The following GDAP1 variants were observed in gnomAD, a reference collection of about 807,000 sequenced individuals.
The protein encoded by GDAP1 is ganglioside induced differentiation associated protein 1, also known as ganglioside-induced differentiation-associated protein 1.
Under a neutral mutation model 40.1 loss-of-function variants are expected in GDAP1, and 34 were observed. That is an observed-to-expected ratio of 0.85 (90% CI 0.64 to 1.13). The LOEUF (loss-of-function observed/expected upper bound fraction) is 1.13. GDAP1 is among the 50% of genes most tolerant of loss of function. The pLI is 0.00. For synonymous variants in GDAP1, 170 were observed against 157.4 expected, an observed-to-expected ratio of 1.08 and a Z score of -0.60; for missense variants, 374 against 433.7, an observed-to-expected ratio of 0.86 and a Z score of 1.22.
Position 74,459,486 on chromosome 8 carries a change from A to G in GDAP1, c.166-29192A>G, listed in dbSNP as rs1337838537. Among the ~76,000 whole-genome samples, 5 of 152,296 alleles carry G rather than the reference A, an allele frequency of 3.3e-5. No homozygotes were observed. In the East Asian group the frequency reaches 9.7e-4, roughly 29 times the overall value. On this transcript the variant is annotated intron_variant, in intron 2 of 2. Coordinates refer to the GDAP1 transcript ENST00000523640. ...GTTTTGTCTGGGATTCTGCATTTTG[A>G]CAGGCACTCCAGGTGATTCTGAGGC...
intron 2 of GDAP1, among the ~76,000 whole-genome samples, chr8:74,354,253 G>C (rs937508875): frequency 6.6e-6 from 1 of 152,112 alleles, no homozygotes; most frequent in Non-Finnish European, 1.5e-5. Context: ...ATGAGGTTGG[G>C]AATAGTGTAT....
Position 74,365,166 on chromosome 8 carries a change from G to T in GDAP1, c.*799G>T. On this transcript the variant is annotated 3_prime_UTR_variant, in exon 6 of 6. Coordinates refer to ENST00000220822, the MANE Select transcript of GDAP1 (RefSeq NM_018972.4). The stretch of plus-strand genomic sequence containing the variant: ...CCCAGCTAATCACTAGCATGTCTAG[G>T]TATTGGCTGGGTAGTGGGTATTTTG... 4.4e-6 allele frequency: 2 copies of T among 454,068 alleles called. No individual in the cohort carries two copies. The highest frequency in any genetic ancestry group is 3.1e-5 in the South Asian group (2 of 64,468). 28.1% of individuals were successfully genotyped at this position (454,068 alleles called of 1,614,324 possible).
At chr8:74,418,325 G>A (rs999975494) in intron 2 of GDAP1, among the ~76,000 whole-genome samples, 6 of 152,226 alleles carry the variant, frequency 3.9e-5, no homozygotes, top group African/African-American at 1.2e-4. Flanking sequence ...TGTGGCATTG[G>A]TGAAGGGATA....
At chr8:74,473,782 T>C (rs766887947) in intron 2 of GDAP1, among the ~76,000 whole-genome samples, 2 of 151,592 alleles carry the variant, frequency 1.3e-5, no homozygotes, top group Admixed American at 6.6e-5. Flanking sequence ...GCCTTGGCTA[T>C]TCAGGCCCTT....
chr8:74,449,275 T>A (rs987871430), intron 2 of GDAP1, among the ~76,000 whole-genome samples: 1 of 151,946 alleles, frequency 6.6e-6, no homozygotes, highest in Non-Finnish European at 1.5e-5. Context: ...AAATCAAAGT[T>A]GAATCAACTT....
intron 2 of GDAP1, among the ~76,000 whole-genome samples, chr8:74,488,087 C>G (rs1201325162): frequency 1.3e-5 from 2 of 151,998 alleles, no homozygotes; most frequent in Non-Finnish European, 2.9e-5. Context: ...CAATATGTAC[C>G]TCTATTTCTT....
intron 2 of GDAP1, among the ~76,000 whole-genome samples, chr8:74,404,399 G>A (rs888366667): frequency 6.7e-6 from 1 of 149,130 alleles, no homozygotes; most frequent in African/African-American, 2.6e-5. Flanking sequence ...TATGTGCCGG[G>A]CCATTTATAT....
intron 2 of GDAP1, among the ~76,000 whole-genome samples, chr8:74,433,836 C>T (rs1356522506): frequency 1.3e-5 from 2 of 152,098 alleles, no homozygotes; most frequent in Non-Finnish European, 2.9e-5. Context: ...TGTGATCAAC[C>T]CCAATAAAAA....
In GDAP1 at chr8:74,364,410, C is replaced by T; in HGVS notation, c.*43C>T. On this transcript the variant is annotated 3_prime_UTR_variant, in exon 6 of 6. Coordinates refer to ENST00000220822, the MANE Select transcript of GDAP1 (RefSeq NM_018972.4). ...CGTGGCAGCTCATCCAAGCATTTAG[C>T]TAGACCCTGTGATTGCCCGTGGCTC... 2.5e-6 allele frequency: 4 copies of T among 1,594,138 alleles called. No individual in the cohort carries two copies. The highest frequency in any genetic ancestry group is 3.4e-6 in the Non-Finnish European group (4 of 1,168,978).
chr8:74,350,607 G>T, intron 1 of GDAP1, 29 bp downstream of exon 1: 3 of 1,317,884 alleles, frequency 2.3e-6, no homozygotes, highest in Non-Finnish European at 3.3e-6. Flanking sequence ...GCGGAGGGTG[G>T]CGCGGATCGG....
At chr8:74,387,108 C>G (rs1299576232) in intron 2 of GDAP1, among the ~76,000 whole-genome samples, 1 of 152,192 alleles carries the variant, frequency 6.6e-6, no homozygotes, top group Non-Finnish European at 1.5e-5. Flanking sequence ...TCTAAATATA[C>G]AATCATGTCA....
intron 2 of GDAP1, among the ~76,000 whole-genome samples, chr8:74,472,058 A>G (rs531943966): frequency 1.8e-4 from 28 of 152,176 alleles, no homozygotes; most frequent in African/African-American, 6.5e-4. Flanking sequence ...TAAGCCTAGT[A>G]CCCAATATTT....
At chr8:74,354,319 TAATA>T in intron 2 of GDAP1, among the ~76,000 whole-genome samples, 1 of 152,306 alleles carries the variant, frequency 6.6e-6, no homozygotes, top group Non-Finnish European at 1.5e-5. Context: ...AATAGGTGCT[TAATA>T]AATATTTTGA....
chr8:74,478,963 G>C (rs1426392913), intron 2 of GDAP1, among the ~76,000 whole-genome samples: 2 of 152,132 alleles, frequency 1.3e-5, no homozygotes, highest in Non-Finnish European at 2.9e-5. Context: ...TTTCAACTCA[G>C]CATCTGTGTC....
chr8:74,482,128 G>T (rs954226117), intron 2 of GDAP1, among the ~76,000 whole-genome samples: 129 of 145,160 alleles, frequency 8.9e-4, no homozygotes, highest in Middle Eastern at 3.6e-3. Flanking sequence ...TTGGGGGGGG[G>T]GGGTCATCTT....
chr8:74,386,613 TAGC>T (rs1810029403), intron 2 of GDAP1, among the ~76,000 whole-genome samples: 1 of 152,226 alleles, frequency 6.6e-6, no homozygotes, highest in Non-Finnish European at 1.5e-5. Flanking sequence ...GGAAGTCAGG[TAGC>T]GTGATGCCTC....
At chr8:74,354,873 G>A (rs545936368) in intron 2 of GDAP1, among the ~76,000 whole-genome samples, 40 of 152,302 alleles carry the variant, frequency 2.6e-4, no homozygotes, top group African/African-American at 8.2e-4. Context: ...GTGTGCAGTC[G>A]CCCATGGTCA....
intron 2 of GDAP1, among the ~76,000 whole-genome samples, chr8:74,374,356 G>T: frequency 6.6e-6 from 1 of 152,118 alleles, no homozygotes; most frequent in East Asian, 1.9e-4. Flanking sequence ...TTGTACCTCC[G>T]GTAGAATGGG....
chr8:74,351,515 T>A, intron 2 of GDAP1, 49 bp downstream of exon 2: 2 of 1,226,592 alleles, frequency 1.6e-6, no homozygotes, highest in Non-Finnish European at 2.4e-6. Flanking sequence ...TCAACACAAC[T>A]ATGTGTTCCC....
Sources: gnomAD v4.1 joint callset for allele counts (sites outside exome capture counted in the v4.1 genomes callset) on GRCh38, gnomAD v4.1.1 for gene constraint, MANE v1.5 for transcripts, NCBI Gene and HGNC (gene_info 2026-07-23, HGNC 2026-07-21) for gene names.